Variants in BTBD9 observed in about 807,000 individuals in gnomAD.
BTBD9 encodes the protein BTB domain containing 9.
Under a neutral mutation model 64.3 loss-of-function variants are expected in BTBD9, and 49 were observed. That is an observed-to-expected ratio of 0.76 (90% CI 0.61 to 0.97). The LOEUF is 0.97. BTBD9 is among the 50% of genes least tolerant of loss of function. The pLI, the probability that BTBD9 is intolerant of heterozygous loss-of-function variation, is 0.00. For missense variants in BTBD9, 598 were observed against 762.1 expected (o/e 0.78, Z 2.53); for synonymous variants, 260 against 274.7 (o/e 0.95, Z 0.53).
intron 1 of BTBD9, among the ~76,000 whole-genome samples, chr6:38,639,205 A>T (rs1052350529): frequency 2.0e-4 from 30 of 152,240 alleles, no homozygotes; most frequent in African/African-American, 5.5e-4. Context: ...CTAAAACGCC[A>T]AGGAAACACA....
chr6:38,226,290 G>A (rs1030658141), intron 9 of BTBD9, among the ~76,000 whole-genome samples: 3 of 152,186 alleles, frequency 2.0e-5, no homozygotes, highest in Non-Finnish European at 4.4e-5. Flanking sequence ...GGCAACATAT[G>A]TATAAGCAAC....
At chr6:38,621,841 A>T (rs1777992851) in intron 1 of BTBD9, among the ~76,000 whole-genome samples, 1 of 152,206 alleles carries the variant, frequency 6.6e-6, no homozygotes. Flanking sequence ...GCTGAGGCCA[A>T]AATTGCTGCC....
rs146762615 is a variant in BTBD9, at chr6:38,401,018, C to T, written c.1155-55925G>A. ...CTTTCCAGATTAGGACATCATATTACTCTCTGTCATAGCACCCTGTTCTTT... is the reference window on the plus strand; with the variant it reads ...CTTTCCAGATTAGGACATCATATTATTCTCTGTCATAGCACCCTGTTCTTT... On this transcript the variant is annotated intron_variant, in intron 6 of 10. Coordinates refer to ENST00000481247, the MANE Select transcript of BTBD9 (RefSeq NM_001099272.2). Among the ~76,000 whole-genome samples the T allele has an allele frequency of 2.2e-3, 340 of 152,262 alleles. 2 individuals carry two copies. The highest frequency in any genetic ancestry group is 0.017 in the Middle Eastern group (5 of 294).
At chr6:38,490,987 A>C (rs1582519251) in intron 6 of BTBD9, among the ~76,000 whole-genome samples, 1 of 152,328 alleles carries the variant, frequency 6.6e-6, no homozygotes, top group African/African-American at 2.4e-5. Context: ...TGGGCATAAA[A>C]GCCAGAATAA....
intron 6 of BTBD9, among the ~76,000 whole-genome samples, chr6:38,455,280 C>A (rs1769744700): frequency 6.6e-6 from 1 of 152,156 alleles, no homozygotes; most frequent in Non-Finnish European, 1.5e-5. Context: ...TAGTGAAATT[C>A]TCACCTCACC....
chr6:38,555,354 GAAC>G (rs1291469190), intron 6 of BTBD9, among the ~76,000 whole-genome samples: 2 of 152,060 alleles, frequency 1.3e-5, no homozygotes, highest in Non-Finnish European at 2.9e-5. Context: ...CATTATTCCA[GAAC>G]AACAATTACC....
chr6:38,495,488 C>T (rs988569068), intron 6 of BTBD9, among the ~76,000 whole-genome samples: 1 of 152,192 alleles, frequency 6.6e-6, no homozygotes, highest in Non-Finnish European at 1.5e-5. Flanking sequence ...TATGAAAAAC[C>T]TGTCCTTCTT....
intron 9 of BTBD9, among the ~76,000 whole-genome samples, chr6:38,222,254 GTTGTT>G (rs1352504972): frequency 9.4e-4 from 91 of 96,742 alleles, no homozygotes; most frequent in African/African-American, 2.7e-3. Flanking sequence ...AATTCATTCA[GTTGTT>G]TTTTTTTTTT....
intron 6 of BTBD9, among the ~76,000 whole-genome samples, chr6:38,391,801 G>T (rs1766429900): frequency 6.6e-6 from 1 of 152,132 alleles, no homozygotes; most frequent in South Asian, 2.1e-4. Context: ...AAAGGCAGGT[G>T]GCTCCCGAAC....
intron 7 of BTBD9, among the ~76,000 whole-genome samples, chr6:38,328,606 TG>T (rs1582237986): frequency 1.4e-5 from 2 of 147,536 alleles, no homozygotes; most frequent in South Asian, 2.1e-4. Context: ...TGTGTGTGTG[TG>T]TGTGTTTTAT....
intron 6 of BTBD9, among the ~76,000 whole-genome samples, chr6:38,349,100 T>C (rs1048238451): frequency 3.3e-5 from 5 of 152,026 alleles, no homozygotes; most frequent in South Asian, 4.2e-4. Context: ...GTTGCCCACA[T>C]TGGTCTCAAA....
At chr6:38,421,883 G>C (rs1767918664) in intron 6 of BTBD9, among the ~76,000 whole-genome samples, 1 of 152,044 alleles carries the variant, frequency 6.6e-6, no homozygotes, top group African/African-American at 2.4e-5. Context: ...CAGAAAACTT[G>C]GCAAAAAATA....
chr6:38,179,379 G>A, intron 10 of BTBD9: 1 of 454,900 alleles, frequency 2.2e-6, no homozygotes, highest in South Asian at 1.6e-5. Context: ...ACTGATAAAG[G>A]AGAGCGCCCA....
intron 7 of BTBD9, among the ~76,000 whole-genome samples, chr6:38,322,024 T>C (rs1763256081): frequency 6.6e-6 from 1 of 151,906 alleles, no homozygotes; most frequent in South Asian, 2.1e-4. Flanking sequence ...GCGAATGCTG[T>C]GTATTAGTAT....
chr6:38,317,414 C>G (rs1250328493), intron 7 of BTBD9, among the ~76,000 whole-genome samples: 1 of 152,064 alleles, frequency 6.6e-6, no homozygotes, highest in Non-Finnish European at 1.5e-5. Context: ...TCTCTTGCTG[C>G]TTTTAGGATC....
At chr6:38,575,325 G>T (rs755416824) in intron 6 of BTBD9, among the ~76,000 whole-genome samples, 8 of 152,216 alleles carry the variant, frequency 5.3e-5, no homozygotes, top group Non-Finnish European at 1.2e-4. Context: ...CACTGTGCAA[G>T]AATAATAAAA....
chr6:38,477,336 C>T (rs577538290), intron 6 of BTBD9, among the ~76,000 whole-genome samples: 1 of 152,296 alleles, frequency 6.6e-6, no homozygotes, highest in East Asian at 1.9e-4. Flanking sequence ...TTACCTAGTA[C>T]CTACTATGTG....
rs939588243 is a variant in BTBD9 at position 38,537,944 on chromosome 6, G to A, written c.1154+39656C>T. 2.1e-4 allele frequency among the ~76,000 whole-genome samples: 32 copies of A among 152,296 alleles called. 1 individual carries two copies. The highest frequency in any genetic ancestry group is 4.6e-4 in the Admixed American group (7 of 15,296). On this transcript the variant is annotated intron_variant, in intron 6 of 10. Transcript: ENST00000481247. ...TGTAAATCACCCCTGAAGGATGGCA[G>A]AGCCCCCTTGCCAGCCTGAGTACCA...
chr6:38,258,904 CA>C (rs1764702068), intron 8 of BTBD9, among the ~76,000 whole-genome samples: 1 of 152,100 alleles, frequency 6.6e-6, no homozygotes, highest in South Asian at 2.1e-4. Context: ...AAACAAAAAA[CA>C]AAAAACAATC....
Sources: gnomAD v4.1 joint callset for allele counts (sites outside exome capture counted in the v4.1 genomes callset) on GRCh38, gnomAD v4.1.1 for gene constraint, MANE v1.5 for transcripts, NCBI Gene and HGNC (gene_info 2026-07-23, HGNC 2026-07-21) for gene names.